CCDC38: variants seen among roughly 807,000 people sequenced by gnomAD.
CCDC38 encodes coiled-coil domain containing 38.
Under a neutral mutation model 72.8 loss-of-function variants are expected in CCDC38, and 69 were observed. The observed-to-expected ratio is 0.95, with a 90% CI of 0.78 to 1.16. The LOEUF is 1.16. CCDC38 is among the 50% of genes most tolerant of loss of function. CCDC38 has a pLI of 0.00. For missense variants in CCDC38, 626 were observed against 638.9 expected (o/e 0.98, Z 0.22); for synonymous variants, 201 against 213.2 (o/e 0.94, Z 0.50).
chr12:95,914,050 G>A (rs1000898160), intron 4 of CCDC38, among the ~76,000 whole-genome samples: 1 of 152,250 alleles, frequency 6.6e-6, no homozygotes, highest in African/African-American at 2.4e-5. Flanking sequence ...TAGGCTGGGA[G>A]TGGTGGCCCA....
At chr12:95,893,436 TCCC>T (rs1193545520) in intron 8 of CCDC38, among the ~76,000 whole-genome samples, 165 of 69,188 alleles carry the variant, frequency 2.4e-3, no homozygotes, top group African/African-American at 8.1e-3. Context: ...CCTCCCTCCC[TCCC>T]TCCCTTCCTT....
rs764396455 is a variant in CCDC38, at chr12:95,878,314, TC to T, written c.1174del (p.Glu392LysfsTer9). 6.2e-7 allele frequency: 1 copy of T among 1,613,420 alleles called. No individual in the cohort carries two copies. The highest frequency in any genetic ancestry group is 1.1e-5 in the South Asian group (1 of 91,062). Reference protein sequence around the residue: ...NSNIEFLLEQEKMLKANCVRE... With the variant: ...NSNIEFLLEQXKMLKANCVRE... ...CACACAGTTAGCTTTAAGCATTTTTTCTTGCTCCAAAAGAAACTCTATGTTG... is the reference window on the plus strand; with the variant it reads ...CACACAGTTAGCTTTAAGCATTTTTTTTGCTCCAAAAGAAACTCTATGTTG... On this transcript the variant is annotated frameshift_variant, in exon 13 of 16. Transcript: ENST00000344280. LOFTEE classifies it high-confidence loss of function.
intron 10 of CCDC38, 128 bp from the exon 11 acceptor site, chr12:95,881,682 C>A: frequency 3.3e-6 from 2 of 609,384 alleles, no homozygotes; most frequent in South Asian, 4.0e-5. Flanking sequence ...GCAGGTTTAG[C>A]CTTTTAGGGA....
chr12:95,886,348 T>C (rs1357198350), intron 10 of CCDC38, among the ~76,000 whole-genome samples: 2 of 152,134 alleles, frequency 1.3e-5, no homozygotes, highest in Non-Finnish European at 1.5e-5. Flanking sequence ...AACTTACATG[T>C]AAAACTATAA....
At chr12:95,874,650 G>T (rs2121416381) in intron 13 of CCDC38, among the ~76,000 whole-genome samples, 1 of 152,318 alleles carries the variant, frequency 6.6e-6, no homozygotes, top group Non-Finnish European at 1.5e-5. Flanking sequence ...CCCCCAGATG[G>T]CAGGCCCAGC....
intron 4 of CCDC38, among the ~76,000 whole-genome samples, chr12:95,908,929 T>C (rs2080060696): frequency 6.6e-6 from 1 of 152,110 alleles, no homozygotes; most frequent in Non-Finnish European, 1.5e-5. Flanking sequence ...TGGAAATTTA[T>C]ACATATGCTA....
intron 4 of CCDC38, among the ~76,000 whole-genome samples, chr12:95,907,401 C>T (rs1472313566): frequency 5.2e-5 from 7 of 135,060 alleles, no homozygotes; most frequent in African/African-American, 1.8e-4. Flanking sequence ...TAGGGGCGGC[C>T]GGGCAGAGGC....
intron 5 of CCDC38, among the ~76,000 whole-genome samples, chr12:95,900,407 G>A (rs982872775): frequency 2.6e-5 from 4 of 152,106 alleles, no homozygotes; most frequent in South Asian, 2.1e-4. Flanking sequence ...TTATTCAGAC[G>A]AAAACGGATT....
chr12:95,911,626 G>A (rs1366550203), intron 4 of CCDC38, among the ~76,000 whole-genome samples: 2 of 152,156 alleles, frequency 1.3e-5, no homozygotes, highest in Non-Finnish European at 2.9e-5. Flanking sequence ...GCCCGACATT[G>A]CCAATCATCA....
In CCDC38 at chr12:95,879,586, C is replaced by T; in HGVS notation, c.1142+58G>A. On this transcript the variant is annotated intron_variant, in intron 12 of 15. Coordinates refer to ENST00000344280, the MANE Select transcript of CCDC38 (RefSeq NM_182496.3). The surrounding 1 kb of genome is among the most constrained non-coding windows in gnomAD (Gnocchi z 5.5). Reference sequence around the variant, plus strand: ...AGAGCCACATGTGAGTGAGTTGGACCCAGGCTCTGGTTAGAAATTGCTTAA... The same window carrying T: ...AGAGCCACATGTGAGTGAGTTGGACTCAGGCTCTGGTTAGAAATTGCTTAA... The T allele has an allele frequency of 7.9e-7, 1 of 1,273,808 alleles. No individual in the cohort carries two copies. The highest frequency in any genetic ancestry group is 1.1e-6 in the Non-Finnish European group (1 of 906,730). The allele number at this position is 1,273,808 out of a possible 1,614,324, so 78.9% of individuals were successfully genotyped here.
intron 2 of CCDC38, among the ~76,000 whole-genome samples, chr12:95,927,422 C>T (rs1247876237): frequency 6.7e-6 from 1 of 149,236 alleles, no homozygotes; most frequent in East Asian, 2.0e-4. Flanking sequence ...TATTTTGAGC[C>T]TATGTGTGTC....
At chr12:95,933,343 G>A (rs2080357865) in intron 2 of CCDC38, 2 of 151,984 alleles carry the variant, frequency 1.3e-5, no homozygotes, top group Non-Finnish European at 2.9e-5. Context: ...TCAATATAAA[G>A]AGCACTAACA....
intron 5 of CCDC38, among the ~76,000 whole-genome samples, chr12:95,899,364 C>A (rs2079927111): frequency 6.6e-6 from 1 of 152,194 alleles, no homozygotes. Context: ...GTGGGGTGAT[C>A]TTGGCTCACT....
At chr12:95,917,866 C>CAAAAAAAAA (rs34424423) in intron 3 of CCDC38, among the ~76,000 whole-genome samples, 1 of 99,150 alleles carries the variant, frequency 1.0e-5, no homozygotes. Flanking sequence ...GCAAGACTGT[C>CAAAAAAAAA]AAAAAAAAAA....
chr12:95,922,073 A>T (rs1252546375), intron 2 of CCDC38, among the ~76,000 whole-genome samples: 1 of 152,238 alleles, frequency 6.6e-6, no homozygotes, highest in African/African-American at 2.4e-5. Flanking sequence ...TCTACCTGAG[A>T]AGCAGCCATT....
chr12:95,875,070 C>G (rs1397345533), intron 13 of CCDC38, among the ~76,000 whole-genome samples: 1 of 152,194 alleles, frequency 6.6e-6, no homozygotes, highest in Non-Finnish European at 1.5e-5. Flanking sequence ...AACTGCTACA[C>G]TAAACAACAT....
At chr12:95,901,100 A>G (rs1409783062) in intron 5 of CCDC38, among the ~76,000 whole-genome samples, 1 of 152,208 alleles carries the variant, frequency 6.6e-6, no homozygotes, top group Non-Finnish European at 1.5e-5. Context: ...AATACATGCT[A>G]GAGATGTTGG....
At chr12:95,898,839 C>T in intron 5 of CCDC38, 108 bp from the exon 6 acceptor site, 1 of 1,117,222 alleles carries the variant, frequency 9.0e-7, no homozygotes, top group Non-Finnish European at 1.3e-6. Context: ...AATAGTACGC[C>T]TAAATCTTGG....
chr12:95,917,311 G>A lies in CCDC38; in HGVS notation c.139-17C>T. ...AAATTTTTCCTGCCCAAGTGGAAAA[G>A]TTGAAAAGAATTTTTAATATACCAA... On this transcript the variant is annotated splice_polypyrimidine_tract_variant and intron_variant, in intron 3 of 15. Transcript: ENST00000344280. 6.4e-7 allele frequency: 1 copy of A among 1,572,160 alleles called. No homozygotes were observed. The highest frequency in any genetic ancestry group is 8.6e-7 in the Non-Finnish European group (1 of 1,168,166).
Sources: gnomAD v4.1 joint callset for allele counts (sites outside exome capture counted in the v4.1 genomes callset) on GRCh38, gnomAD v4.1.1 for gene constraint, Gnocchi (gnomAD v3.1) non-coding constraint, MANE v1.5 for transcripts, NCBI Gene and HGNC (gene_info 2026-07-23, HGNC 2026-07-21) for gene names.